SAMD3: variants seen among roughly 807,000 people sequenced by gnomAD.
The protein encoded by SAMD3 is sterile alpha motif domain-containing protein 3.
Under a neutral mutation model 58.5 loss-of-function variants are expected in SAMD3, and 63 were observed. The observed-to-expected ratio is 1.08, with a 90% CI of 0.88 to 1.33. The LOEUF (loss-of-function observed/expected upper bound fraction) is 1.33. SAMD3 is among the 40% of genes most tolerant of loss of function. The pLI is 0.00. For missense variants in SAMD3, 604 were observed against 608.4 expected (o/e 0.99, Z 0.08); for synonymous variants, 220 against 210.3 (o/e 1.05, Z -0.40).
intron 5 of SAMD3, among the ~76,000 whole-genome samples, chr6:130,188,376 T>C (rs936749845): frequency 6.6e-6 from 1 of 152,218 alleles, no homozygotes; most frequent in Non-Finnish European, 1.5e-5. Context: ...TAATCTCCAG[T>C]ATATATAACA....
chr6:130,330,784 C>T (rs1776909874), intron 1 of SAMD3, among the ~76,000 whole-genome samples: 1 of 152,110 alleles, frequency 6.6e-6, no homozygotes, highest in African/African-American at 2.4e-5. Flanking sequence ...GTGCTACCTG[C>T]TCCCTTGACC....
chr6:130,347,049 G>C (rs1460071692), intron 1 of SAMD3, among the ~76,000 whole-genome samples: 2 of 152,296 alleles, frequency 1.3e-5, no homozygotes, highest in East Asian at 1.9e-4. Flanking sequence ...CTAATAAACA[G>C]AAAGGACATC....
intron 2 of SAMD3, among the ~76,000 whole-genome samples, chr6:130,281,496 C>T (rs893961744): frequency 3.9e-5 from 6 of 152,070 alleles, no homozygotes; most frequent in Non-Finnish European, 7.4e-5. Flanking sequence ...CTCTTATCTC[C>T]CTGCATCTGT....
intron 2 of SAMD3, among the ~76,000 whole-genome samples, chr6:130,262,350 C>T (rs555321958): frequency 6.6e-6 from 1 of 151,302 alleles, no homozygotes; most frequent in Admixed American, 6.6e-5. Flanking sequence ...TGTGAGCACA[C>T]CTCACTAGTT....
intron 8 of SAMD3, 120 bp downstream of exon 8, chr6:130,175,721 C>T (rs2114668787): frequency 1.5e-6 from 1 of 656,792 alleles, no homozygotes; most frequent in East Asian, 2.9e-5. Context: ...CTTAACTACA[C>T]TTCAAATTTT....
intron 1 of SAMD3, among the ~76,000 whole-genome samples, chr6:130,348,752 C>T (rs1177825272): frequency 6.6e-6 from 1 of 152,186 alleles, no homozygotes; most frequent in Non-Finnish European, 1.5e-5. Context: ...CAGAACTCTC[C>T]ACCCCAAATC....
chr6:130,261,386 C>T (rs996004841), intron 2 of SAMD3, among the ~76,000 whole-genome samples: 4 of 152,010 alleles, frequency 2.6e-5, no homozygotes, highest in Admixed American at 2.6e-4. Context: ...TGGGAACTTG[C>T]CTACTCCATT....
chr6:130,181,926 G>T (rs184480538), intron 7 of SAMD3, among the ~76,000 whole-genome samples: 1 of 152,026 alleles, frequency 6.6e-6, no homozygotes, highest in Non-Finnish European at 1.5e-5. Context: ...TTACCTGGGC[G>T]TGGTGGGGGG....
intron 5 of SAMD3, among the ~76,000 whole-genome samples, chr6:130,206,418 GAC>G (rs951024343): frequency 2.6e-5 from 4 of 152,188 alleles, no homozygotes; most frequent in African/African-American, 4.8e-5. Context: ...TGGAGACAGA[GAC>G]AACCCGTGAG....
intron 1 of SAMD3, among the ~76,000 whole-genome samples, chr6:130,329,216 CT>C (rs1202566715): frequency 2.0e-5 from 3 of 148,144 alleles, no homozygotes; most frequent in African/African-American, 7.4e-5. Context: ...TTACCACTGC[CT>C]TTTTTATAGT....
rs754889837 is a variant in SAMD3 at position 130,162,565 on chromosome 6, C to T, written c.823-7540G>A. On this transcript the variant is annotated intron_variant, in intron 8 of 11. Transcript: ENST00000439090. ...CCATGTTGCCCAAGCTTGTCGTGAA[C>T]TCCTGGGCTCAAGGCTTTCTCCCAT... is the stretch of plus-strand genomic sequence containing the variant. Among the ~76,000 whole-genome samples the T allele has an allele frequency of 2.5e-4, 38 of 152,232 alleles. 1 individual carries two copies. The Middle Eastern group carries it at 0.017, about 68-fold the overall frequency.
At chr6:130,335,963 A>G (rs1419051560) in intron 1 of SAMD3, among the ~76,000 whole-genome samples, 1 of 152,092 alleles carries the variant, frequency 6.6e-6, no homozygotes, top group African/African-American at 2.4e-5. Flanking sequence ...GAACTGAACA[A>G]TGAGAACACA....
At chr6:130,179,789 A>G (rs1368043514) in intron 7 of SAMD3, among the ~76,000 whole-genome samples, 2 of 149,146 alleles carry the variant, frequency 1.3e-5, no homozygotes, top group Non-Finnish European at 3.0e-5. Flanking sequence ...TATTGTGGTT[A>G]TATAAGAGAT....
intron 5 of SAMD3, among the ~76,000 whole-genome samples, chr6:130,206,718 A>G (rs962399701): frequency 2.0e-5 from 3 of 152,202 alleles, no homozygotes; most frequent in African/African-American, 7.2e-5. Flanking sequence ...AGAGATAAAG[A>G]TAGGGGCGTG....
chr6:130,338,552 T>C (rs548536530), intron 1 of SAMD3, among the ~76,000 whole-genome samples: 1 of 152,318 alleles, frequency 6.6e-6, no homozygotes, highest in African/African-American at 2.4e-5. Flanking sequence ...TGCCAGCCCA[T>C]GACAGCAGCC....
intron 8 of SAMD3, chr6:130,159,816 A>G (rs1790125165): frequency 1.3e-5 from 2 of 152,228 alleles, no homozygotes; most frequent in Non-Finnish European, 2.9e-5. Flanking sequence ...AGGCAGCCTC[A>G]TAGAAAAATA....
At chr6:130,358,761 ATTT>A (rs1777905513) in intron 1 of SAMD3, among the ~76,000 whole-genome samples, 1 of 149,204 alleles carries the variant, frequency 6.7e-6, no homozygotes. Context: ...ACACACACAC[ATTT>A]TAACAAAGAT....
At chr6:130,318,312 C>T (rs1412680895) in intron 1 of SAMD3, among the ~76,000 whole-genome samples, 1 of 152,098 alleles carries the variant, frequency 6.6e-6, no homozygotes, top group African/African-American at 2.4e-5. Context: ...TGATCATATG[C>T]TTTCCAATGA....
At chr6:130,333,474 C>T (rs535237810) in intron 1 of SAMD3, among the ~76,000 whole-genome samples, 3 of 152,256 alleles carry the variant, frequency 2.0e-5, no homozygotes, top group African/African-American at 7.2e-5. Flanking sequence ...TGGTTCAGCA[C>T]ATCATAACCC....
Sources: gnomAD v4.1 joint callset for allele counts (sites outside exome capture counted in the v4.1 genomes callset) on GRCh38, gnomAD v4.1.1 for gene constraint, MANE v1.5 for transcripts, NCBI Gene and HGNC (gene_info 2026-07-23, HGNC 2026-07-21) for gene names.